TFIP11: variants seen among roughly 807,000 people sequenced by gnomAD.
TFIP11 encodes the protein tuftelin interacting protein 11.
A neutral mutation model predicts 96.8 loss-of-function variants in TFIP11; 86 were observed. That is an observed-to-expected ratio of 0.89 (90% confidence interval 0.75 to 1.06). The LOEUF (loss-of-function observed/expected upper bound fraction) is 1.06, where lower values mean the gene tolerates loss of function less well. Ranked by LOEUF, TFIP11 falls within the 50% of genes least tolerant of loss-of-function variation. TFIP11 has a pLI of 0.00. For missense variants in TFIP11, 881 were observed against 1,076.7 expected, an observed-to-expected ratio of 0.82 and a Z score of 2.54; for synonymous variants, 405 against 395.2, an observed-to-expected ratio of 1.02 and a Z score of -0.29.
intron 10 of TFIP11, among the ~76,000 whole-genome samples, chr22:26,497,110 G>C (rs1922165632): frequency 6.6e-6 from 1 of 152,114 alleles, no homozygotes; most frequent in Admixed American, 6.5e-5. Flanking sequence ...CTCCTAGGTA[G>C]TGCCCATCCA....
rs1328642144 is a variant in TFIP11, at chr22:26,492,023, A to G, written c.2504T>C (p.Met835Thr). The change falls in exon 15 of 15, where the codon ATG (methionine) becomes ACG (threonine). Residue 835 changes from methionine (M) to threonine (T), a missense_variant. Physicochemically the swap from Met to Thr is moderately conservative, Grantham distance 81. Transcript: ENST00000407690. ...TGGACCTGCCACAGTTCACTTGGCCATGTCGATCAGGCTCTGCAGTGAGGT... is the reference window on the plus strand; with the variant it reads ...TGGACCTGCCACAGTTCACTTGGCCGTGTCGATCAGGCTCTGCAGTGAGGT... Reference protein sequence around the residue: ...VPTSLQSLIDMAK With the variant: ...VPTSLQSLIDTAK The G allele has an allele frequency of 6.3e-7, 1 of 1,596,690 alleles. No individual in the cohort carries two copies. The highest frequency in any genetic ancestry group is 8.5e-7 in the Non-Finnish European group (1 of 1,171,548).
intron 12 of TFIP11, 126 bp from the exon 13 acceptor site, chr22:26,495,065 G>T: frequency 7.8e-7 from 1 of 1,284,978 alleles, no homozygotes; most frequent in Non-Finnish European, 1.1e-6. Context: ...GGGTTCAAGT[G>T]ACTCTTGTGC....
At position 26,499,543 on chromosome 22, in the gene TFIP11, G is replaced by A. The variant is rs369951444; in HGVS notation, c.890C>T (p.Pro297Leu). The A allele has an allele frequency of 5.5e-5, 89 of 1,614,050 alleles. No individual in the cohort carries two copies. The highest frequency in any genetic ancestry group is 8.9e-5 in the East Asian group (4 of 44,892). Residue 297 changes from proline to leucine, a missense_variant, in exon 9 of 15, where the codon CCG (proline) becomes CTG (leucine). By Grantham distance (98) the Pro-to-Leu change is moderately conservative. Transcript: ENST00000407690. ...CTGTGGCAGCTGTTGGGACTGTAGCGGCAGCCCATCATCGGGAACGTTGTG... is the reference window on the plus strand; with the variant it reads ...CTGTGGCAGCTGTTGGGACTGTAGCAGCAGCCCATCATCGGGAACGTTGTG... ...HKHNVPDDGL[P>L]LQSQQLPQSG... is the part of the protein sequence containing the mutation.
chr22:26,499,597 T>A lies in TFIP11; in HGVS notation c.836A>T (p.Tyr279Phe), dbSNP rs776109184. The A allele has an allele frequency of 6.2e-7, 1 of 1,613,644 alleles. No homozygotes were observed. The highest frequency in any genetic ancestry group is 8.5e-7 in the Non-Finnish European group (1 of 1,179,862). ...IDMTGREQKV[Y>F]YSYSQISHKH... is the part of the protein sequence containing the mutation. The stretch of plus-strand genomic sequence containing the variant: ...GTGGCTGATCTGACTGTAGCTGTAG[T>A]AGACCTTCTGCTCCCGGCCTGTCAT... Residue 279 changes from tyrosine (Y) to phenylalanine (F), a missense_variant, in exon 9 of 15, where the codon TAC becomes TTC. Tyr to Phe is a conservative substitution (Grantham distance 22, BLOSUM62 3). Coordinates refer to ENST00000407690, the MANE Select transcript of TFIP11 (RefSeq NM_012143.4).
intron 7 of TFIP11, among the ~76,000 whole-genome samples, chr22:26,503,395 A>G (rs936848006): frequency 3.6e-4 from 55 of 152,300 alleles, no homozygotes; most frequent in African/African-American, 1.3e-3. Flanking sequence ...AAAGTAGGTC[A>G]ACACCACCTC....
intron 8 of TFIP11, among the ~76,000 whole-genome samples, chr22:26,501,491 G>A (rs1171344380): frequency 6.6e-6 from 1 of 151,814 alleles, no homozygotes; most frequent in Non-Finnish European, 1.5e-5. Flanking sequence ...TAACAACGGA[G>A]GTAGGATCAA....
chr22:26,508,079 C>A (rs1056204716), intron 4 of TFIP11, among the ~76,000 whole-genome samples: 2 of 152,136 alleles, frequency 1.3e-5, no homozygotes, highest in African/African-American at 4.8e-5. Flanking sequence ...CTGCACACTC[C>A]AGCTTGGGTA....
At chr22:26,504,947 G>A (rs1186214213) in intron 6 of TFIP11, among the ~76,000 whole-genome samples, 2 of 152,206 alleles carry the variant, frequency 1.3e-5, no homozygotes, top group Middle Eastern at 3.4e-3. Flanking sequence ...GTGGTGGCGG[G>A]TGCCTGTAAT....
Position 26,510,046 on chromosome 22 carries a change from C to A in TFIP11, c.209+18G>T, listed in dbSNP as rs926795175. The A allele has an allele frequency of 6.2e-7, 1 of 1,612,052 alleles. No homozygotes were observed. The highest frequency in any genetic ancestry group is 1.7e-5 in the Admixed American group (1 of 60,014). On this transcript the variant is annotated intron_variant, in intron 4 of 14. Coordinates refer to ENST00000407690, the MANE Select transcript of TFIP11 (RefSeq NM_012143.4). ...CTTCCCTAAAGCAAGGTGAAGCAGC[C>A]CCCATGCCAGGCAATACCGTTTGCC...
Position 26,509,656 on chromosome 22 carries a change from G to A in TFIP11, c.209+408C>T, listed in dbSNP as rs1008351636. ...GGATCACTTGAGGTCAGGAGTTCAAGACCAGCCTGGCCAACATGGCAAAAC... is the reference window on the plus strand; with the variant it reads ...GGATCACTTGAGGTCAGGAGTTCAAAACCAGCCTGGCCAACATGGCAAAAC... On this transcript the variant is annotated intron_variant, in intron 4 of 14. Coordinates refer to ENST00000407690, the MANE Select transcript of TFIP11 (RefSeq NM_012143.4). Among the ~76,000 whole-genome samples the A allele has an allele frequency of 6.6e-5, 10 of 152,274 alleles. No homozygotes were observed. In the East Asian group the frequency reaches 1.7e-3, roughly 26 times the overall value.
At chr22:26,508,822 C>T (rs949330526) in intron 4 of TFIP11, among the ~76,000 whole-genome samples, 2 of 145,984 alleles carry the variant, frequency 1.4e-5, no homozygotes, top group African/African-American at 5.1e-5. Flanking sequence ...TCCAGCCTGG[C>T]GACAGAGCAA....
In TFIP11 at chr22:26,496,155, C is replaced by T. The variant is rs1287330468; in HGVS notation, c.1767G>A (p.Lys589=). The change falls in exon 12 of 15, where the codon AAG becomes AAA. Residue 589 remains lysine, a synonymous_variant. Coordinates refer to ENST00000407690, the MANE Select transcript of TFIP11 (RefSeq NM_012143.4). Reference sequence around the variant, plus strand: ...CATCCTTCCAGGGCTGGAGGATGAGCTTGGCAGAGGAGTCGCTGGGGTGCC... The same window carrying T: ...CATCCTTCCAGGGCTGGAGGATGAGTTTGGCAGAGGAGTCGCTGGGGTGCC... ...QKWHPSDSSA[K]LILQPWKDVF... 1 of 1,613,880 alleles carries T rather than the reference C, an allele frequency of 6.2e-7. No individual in the cohort carries two copies. Among genetic ancestry groups the T allele is most frequent in the Non-Finnish European group, 8.5e-7 (1 of 1,180,026 alleles).
chr22:26,496,477 T>G (rs752815977), intron 11 of TFIP11, among the ~76,000 whole-genome samples, 161 bp from the exon 12 acceptor site: 1 of 152,156 alleles, frequency 6.6e-6, no homozygotes, highest in Non-Finnish European at 1.5e-5. Context: ...TCCATTTGAT[T>G]ACATCTCAGA....
chr22:26,498,798 C>G (rs1922377222), intron 10 of TFIP11, 71 bp downstream of exon 10: 1 of 1,247,216 alleles, frequency 8.0e-7, no homozygotes, highest in Admixed American at 1.7e-5. Context: ...TGCCTTCCCC[C>G]ACCTTCAGCA....
Position 26,512,467 on chromosome 22 carries a change from C to A in TFIP11, c.-246G>T, listed in dbSNP as rs3213558. The A allele has an allele frequency of 6.6e-6, 1 of 152,262 alleles. No individual in the cohort carries two copies. Among genetic ancestry groups the A allele is most frequent in the African/African-American group, 2.4e-5 (1 of 41,442 alleles). The allele number at this position is 152,262 out of a possible 1,614,324, so 9.4% of individuals were successfully genotyped here. On this transcript the variant is annotated 5_prime_UTR_variant, in exon 1 of 15. Coordinates refer to ENST00000407690, the MANE Select transcript of TFIP11 (RefSeq NM_012143.4). ...AAGACGCCGCTCCTACACCAGAACCCGGAAGCACCGTGGCCGGCGCGCCGG... is the reference window on the plus strand; with the variant it reads ...AAGACGCCGCTCCTACACCAGAACCAGGAAGCACCGTGGCCGGCGCGCCGG...
At chr22:26,494,456 G>T in intron 13 of TFIP11, 152 bp from the exon 14 acceptor site, 1 of 953,122 alleles carries the variant, frequency 1.0e-6, no homozygotes, top group Non-Finnish European at 1.6e-6. Context: ...TAGCACTTAT[G>T]AATATGGATT....
intron 14 of TFIP11, chr22:26,493,903 C>CTT: frequency 2.0e-6 from 1 of 499,468 alleles, no homozygotes; most frequent in Non-Finnish European, 3.6e-6. Context: ...CTGAATCCAG[C>CTT]TTAAGTCAGT....
At position 26,496,315 on chromosome 22, in the gene TFIP11, A is replaced by G; in HGVS notation, c.1607T>C (p.Val536Ala). ...GTCTGTGAGCGGGTTCCAGTTTTCC[A>G]CCTGCGAAGTGGGGAGGAGAAACAG... ...QLIFPKLQKE[V>A]ENWNPLTDTV... Residue 536 changes from valine (V) to alanine (A), a missense_variant and splice_region_variant, in exon 12 of 15, where the codon GTG becomes GCG. Val to Ala is a moderately conservative substitution (Grantham distance 64, BLOSUM62 0). Coordinates refer to ENST00000407690, the MANE Select transcript of TFIP11 (RefSeq NM_012143.4). 6.3e-7 allele frequency: 1 copy of G among 1,592,074 alleles called. No individual in the cohort carries two copies. Among genetic ancestry groups the G allele is most frequent in the African/African-American group, 1.3e-5 (1 of 74,558 alleles).
Position 26,501,935 on chromosome 22 carries a change from G to C in TFIP11, c.766C>G (p.Leu256Val). Residue 256 changes from leucine (L) to valine (V), a missense_variant, in exon 8 of 15, where the codon CTC becomes GTC. Leu to Val is a conservative substitution (Grantham distance 32). Coordinates refer to ENST00000407690, the MANE Select transcript of TFIP11 (RefSeq NM_012143.4). ...GAAAGTTCCTTCTGGGGAGCAGTGA[G>C]CTTCTTGCTAATCCTGCCCTTGGCC... The part of the protein sequence containing the change: ...LKAKGRISKK[L>V]TAPQKELSQV... 6.2e-7 allele frequency: 1 copy of C among 1,613,824 alleles called. No individual in the cohort carries two copies. Among genetic ancestry groups the C allele is most frequent in the South Asian group, 1.1e-5 (1 of 91,058 alleles).
Sources: allele counts gnomAD v4.1 joint callset (sites outside exome capture counted in the v4.1 genomes callset), GRCh38; gene constraint gnomAD v4.1.1; transcripts MANE v1.5; gene names NCBI Gene and HGNC (gene_info 2026-07-23, HGNC 2026-07-21).